Variants in NLRP5 observed in about 807,000 individuals in gnomAD.
NLRP5 encodes the protein NLR family pyrin domain containing 5, also known as NACHT, LRR and PYD domains-containing protein 5.
A neutral mutation model predicts 113.1 loss-of-function variants in NLRP5; 93 were observed. The observed-to-expected ratio is 0.82, with a 90% CI of 0.70 to 0.98. The LOEUF (loss-of-function observed/expected upper bound fraction) is 0.98. Ranked by LOEUF, NLRP5 falls within the 50% of genes least tolerant of loss-of-function variation. The pLI is 0.00. For synonymous variants in NLRP5, 751 were observed against 600.7 expected (o/e 1.25, Z -3.66); for missense variants, 1,808 against 1,514.3 (o/e 1.19, Z -3.22).
chr19:55,989,479 C>G, the NLRP5 span, among the ~76,000 whole-genome samples: 1,186 of 152,316 alleles, frequency 7.8e-3, 22 homozygotes, highest in African/African-American at 0.027. Flanking sequence ...TCTCGAACTC[C>G]TGACCTCAGA....
chr19:56,004,704 C>A (rs1478722807), intron 2 of NLRP5, among the ~76,000 whole-genome samples: 2 of 152,018 alleles, frequency 1.3e-5, no homozygotes, highest in African/African-American at 2.4e-5. Flanking sequence ...GGAGAAAGGT[C>A]ATTTAGAAAA....
chr19:55,997,730 G>A (rs1489684126), upstream of NLRP5, among the ~76,000 whole-genome samples: 1 of 152,060 alleles, frequency 6.6e-6, no homozygotes, highest in African/African-American at 2.4e-5. Context: ...GGGTGTGGTG[G>A]CTGGCACCTG....
At chr19:55,987,955 C>A in the NLRP5 span, 1 of 1,467,908 alleles carries the variant, frequency 6.8e-7, no homozygotes, top group South Asian at 1.1e-5. Flanking sequence ...TGATCAGTTC[C>A]CACTCTGACA....
rs74179658 is a variant in NLRP5, at chr19:56,010,789, G to GT, written c.508+1946dup. Among the ~76,000 whole-genome samples, 340 of 123,726 alleles carry GT rather than the reference G, an allele frequency of 2.7e-3. 6 individuals are homozygous for GT. The highest frequency in any genetic ancestry group is 8.3e-3 in the East Asian group (29 of 3,504). 81.2% of individuals were successfully genotyped at this position (123,726 alleles called of 152,430 possible). A position where few individuals can be genotyped will look rare whatever the true frequency, so the allele number is the denominator to read the frequency against. ...AAACTAAGCCAACCCAATAAATGCA[G>GT]TTTTTTTTTTATCAAGCTATAGAAT... On this transcript the variant is annotated intron_variant, in intron 3 of 14. Coordinates refer to ENST00000390649, the MANE Select transcript of NLRP5 (RefSeq NM_153447.4).
chr19:56,058,842 G>A (rs1298517083), intron 14 of NLRP5, among the ~76,000 whole-genome samples: 2 of 152,188 alleles, frequency 1.3e-5, no homozygotes, highest in African/African-American at 4.8e-5. Flanking sequence ...TGGATGAAAG[G>A]ATAAGCAGAA....
the NLRP5 span, among the ~76,000 whole-genome samples, chr19:55,986,836 T>C: frequency 6.6e-6 from 1 of 152,160 alleles, no homozygotes; most frequent in Non-Finnish European, 1.5e-5. Flanking sequence ...GTATTCCTCC[T>C]GTCTTGCTCT....
At chr19:56,017,497 T>G (rs181564500) in intron 4 of NLRP5, among the ~76,000 whole-genome samples, 2 of 152,320 alleles carry the variant, frequency 1.3e-5, no homozygotes, top group East Asian at 3.9e-4. Context: ...TTTCAAAGTA[T>G]TTAATTCCCT....
At chr19:55,991,815 TATAAA>T in the NLRP5 span, among the ~76,000 whole-genome samples, 1 of 152,210 alleles carries the variant, frequency 6.6e-6, no homozygotes, top group South Asian at 2.1e-4. Flanking sequence ...GAATATCAGA[TATAAA>T]GAATAGGGAG....
chr19:56,046,187 C>T (rs1983716070), intron 11 of NLRP5, among the ~76,000 whole-genome samples: 1 of 152,146 alleles, frequency 6.6e-6, no homozygotes, highest in Admixed American at 6.5e-5. Flanking sequence ...TTGTCGAATG[C>T]TTTTCCTGCA....
At chr19:56,054,557 C>CA (rs1209950903) in intron 13 of NLRP5, among the ~76,000 whole-genome samples, 1 of 74,924 alleles carries the variant, frequency 1.3e-5, no homozygotes, top group South Asian at 5.8e-4. Flanking sequence ...GACTCCATCT[C>CA]AAAAAAAGTG....
intron 6 of NLRP5, among the ~76,000 whole-genome samples, chr19:56,024,789 C>G (rs1331364734): frequency 6.6e-6 from 1 of 151,824 alleles, no homozygotes; most frequent in Admixed American, 6.6e-5. Flanking sequence ...GGTGGGGAAA[C>G]TGAACAGCAG....
At chr19:55,991,123 C>A in the NLRP5 span, among the ~76,000 whole-genome samples, 1 of 152,070 alleles carries the variant, frequency 6.6e-6, no homozygotes, top group African/African-American at 2.4e-5. Flanking sequence ...GTTTGTTTTT[C>A]TGGAGTGAGG....
intron 9 of NLRP5, among the ~76,000 whole-genome samples, chr19:56,036,945 A>T (rs1447813989): frequency 6.6e-6 from 1 of 152,156 alleles, no homozygotes; most frequent in Admixed American, 6.5e-5. Flanking sequence ...TGACAGAGTG[A>T]GACTGTCTCA....
chr19:56,032,867 C>G (rs910185981), intron 8 of NLRP5, 86 bp downstream of exon 8: 52 of 1,339,114 alleles, frequency 3.9e-5, no homozygotes, highest in East Asian at 9.4e-5. Flanking sequence ...CCATCTGAAG[C>G]CTTTCAAGTG....
At chr19:56,041,855 A>G (rs1042476170) in intron 11 of NLRP5, among the ~76,000 whole-genome samples, 2 of 152,200 alleles carry the variant, frequency 1.3e-5, no homozygotes, top group Admixed American at 6.5e-5. Context: ...AGGCTGAGGC[A>G]GGACAACCAC....
intron 7 of NLRP5, among the ~76,000 whole-genome samples, chr19:56,031,137 G>A (rs567926570): frequency 4.6e-5 from 7 of 152,172 alleles, no homozygotes; most frequent in Middle Eastern, 3.4e-3. Context: ...GCCAGTGGAC[G>A]GGAGACTAAT....
chr19:56,011,195 A>T (rs1982177877), intron 3 of NLRP5, among the ~76,000 whole-genome samples: 1 of 151,952 alleles, frequency 6.6e-6, no homozygotes, highest in Non-Finnish European at 1.5e-5. Flanking sequence ...ATGCTACAAG[A>T]TGGATGGACC....
chr19:55,993,249 C>G, the NLRP5 span, among the ~76,000 whole-genome samples: 1 of 151,532 alleles, frequency 6.6e-6, no homozygotes, highest in Middle Eastern at 3.2e-3. Context: ...ACTCTGTCCT[C>G]CCTTCTAGCT....
chr19:56,028,705 C>T (rs948303267), intron 7 of NLRP5, among the ~76,000 whole-genome samples, 196 bp downstream of exon 7: 2 of 152,162 alleles, frequency 1.3e-5, no homozygotes, highest in Non-Finnish European at 2.9e-5. Flanking sequence ...AGGTCTTTCA[C>T]AATACAGGGC....
Sources: gnomAD v4.1 joint callset for allele counts (sites outside exome capture counted in the v4.1 genomes callset) on GRCh38, gnomAD v4.1.1 for gene constraint, MANE v1.5 for transcripts, NCBI Gene and HGNC (gene_info 2026-07-23, HGNC 2026-07-21) for gene names.